Variants in SENP5 observed in about 807,000 individuals in gnomAD.
SENP5 encodes sentrin-specific protease 5.
Under a neutral mutation model 74.2 loss-of-function variants are expected in SENP5, and 21 were observed. That is an observed-to-expected ratio of 0.28 (90% CI 0.20 to 0.41). SENP5 has a LOEUF of 0.41. Ranked by LOEUF, SENP5 falls within the 10% of genes least tolerant of loss-of-function variation. SENP5 has a pLI of 1.00. For synonymous variants in SENP5, 311 were observed against 312.7 expected (o/e 0.99, Z 0.06); for missense variants, 717 against 889.1 (o/e 0.81, Z 2.46).
intron 2 of SENP5, among the ~76,000 whole-genome samples, chr3:196,891,959 T>G (rs1714222432): frequency 6.6e-6 from 1 of 150,384 alleles, no homozygotes; most frequent in African/African-American, 2.5e-5. Context: ...CCCGGCTAAT[T>G]TTTTGTATTT....
intron 5 of SENP5, 79 bp from the exon 6 acceptor site, chr3:196,903,454 T>C: frequency 3.4e-6 from 3 of 887,956 alleles, no homozygotes; most frequent in Middle Eastern, 2.4e-4. Context: ...ATTCAAACAT[T>C]TTAAAATTTC....
intron 1 of SENP5, among the ~76,000 whole-genome samples, chr3:196,871,985 A>G (rs905218981): frequency 1.3e-5 from 2 of 152,238 alleles, no homozygotes; most frequent in African/African-American, 4.8e-5. Context: ...GATTGATTTA[A>G]GCAGTCTGCC....
chr3:196,895,083 C>T (rs1224480643), intron 2 of SENP5, among the ~76,000 whole-genome samples: 1 of 152,108 alleles, frequency 6.6e-6, no homozygotes, highest in African/African-American at 2.4e-5. Context: ...ACGTGCACAG[C>T]ACGGGGAACC....
intron 6 of SENP5, chr3:196,914,373 G>C (rs980000148): frequency 1.3e-5 from 2 of 151,466 alleles, no homozygotes; most frequent in Non-Finnish European, 2.9e-5. Flanking sequence ...CAGAGATAGT[G>C]AGATTGTGGT....
chr3:196,919,265 G>A (rs1321960619), intron 6 of SENP5, among the ~76,000 whole-genome samples: 3 of 152,218 alleles, frequency 2.0e-5, no homozygotes, highest in Non-Finnish European at 2.9e-5. Context: ...TGGATTACTT[G>A]AGGTCAGGAG....
At chr3:196,927,766 G>C in intron 7 of SENP5, 30 bp from the exon 8 acceptor site, 1 of 1,317,786 alleles carries the variant, frequency 7.6e-7, no homozygotes, top group Non-Finnish European at 1.1e-6. Context: ...ATGGAACACA[G>C]CATCTGTGTT....
rs551673135 is a variant in SENP5, at chr3:196,874,421, G to T, written c.-32+6348G>T. ...CTCCTGCAAATGTCAAGAGAATTCA[G>T]TGAACACTTTTAATCCTTATCTTGC... On this transcript the variant is annotated intron_variant, in intron 1 of 9. Transcript: ENST00000323460. 2.0e-5 allele frequency among the ~76,000 whole-genome samples: 3 copies of T among 151,904 alleles called. No homozygotes were observed. In the East Asian group the frequency reaches 5.9e-4, roughly 30 times the overall value.
At chr3:196,892,047 C>T (rs996314546) in intron 2 of SENP5, among the ~76,000 whole-genome samples, 1 of 152,198 alleles carries the variant, frequency 6.6e-6, no homozygotes, top group African/African-American at 2.4e-5. Flanking sequence ...GCCTCAGCCT[C>T]CCAAAGTGCT....
intron 2 of SENP5, among the ~76,000 whole-genome samples, chr3:196,896,557 C>T (rs915093018): frequency 6.6e-6 from 1 of 152,118 alleles, no homozygotes; most frequent in African/African-American, 2.4e-5. Flanking sequence ...CAGGTTCAAG[C>T]GATTTTCCTG....
rs188136836 is a variant in SENP5, at chr3:196,887,062, G to A, written c.1513+368G>A. On this transcript the variant is annotated intron_variant, in intron 2 of 9. Transcript: ENST00000323460. ...AGTTGAACCAGTTTACATTTGTTAA[G>A]CTTTGGCAGTCTTACAGATCACAGA... Among the ~76,000 whole-genome samples, 22 of 152,256 alleles carry A rather than the reference G, an allele frequency of 1.4e-4. No homozygotes were observed. In the East Asian group the frequency reaches 4.1e-3, roughly 28 times the overall value.
chr3:196,931,575 G>A lies in SENP5; in HGVS notation c.*652G>A. The A allele has an allele frequency of 3.9e-6, 1 of 256,652 alleles. No individual in the cohort carries two copies. The allele number at this position is 256,652 out of a possible 1,614,324, so 15.9% of individuals were successfully genotyped here. A position where few individuals can be genotyped will look rare whatever the true frequency, so the allele number is the denominator to read the frequency against. On this transcript the variant is annotated 3_prime_UTR_variant, in exon 10 of 10. Coordinates refer to ENST00000323460, the MANE Select transcript of SENP5 (RefSeq NM_152699.5). ...GGCTGCTTTGGGAGGAGTAAGGTGT[G>A]AGAAAAAGCAACCTTGGAGGCCAGT...
intron 6 of SENP5, among the ~76,000 whole-genome samples, chr3:196,922,332 A>G (rs1715650966): frequency 6.6e-6 from 1 of 152,236 alleles, no homozygotes; most frequent in African/African-American, 2.4e-5. Flanking sequence ...CCACAATTTG[A>G]ACTTGAGCAG....
intron 6 of SENP5, among the ~76,000 whole-genome samples, chr3:196,911,556 CAAAAA>C (rs148985317): frequency 2.1e-5 from 2 of 97,006 alleles, no homozygotes; most frequent in Non-Finnish European, 2.1e-5. Context: ...GACTTTGTCT[CAAAAA>C]AAAAAAAAAA....
rs1713946847 is a variant in SENP5, at chr3:196,885,955, C to T, written c.774C>T (p.Cys258=). 1 of 1,614,034 alleles carries T rather than the reference C, an allele frequency of 6.2e-7. No individual in the cohort carries two copies. The highest frequency in any genetic ancestry group is 1.7e-5 in the Admixed American group (1 of 59,992). Reference sequence around the variant, plus strand: ...ACTTCAGAACCAAAAGCAAGGTTTGCAAGCTAAGAAAAGCCCAGCGAAGCT... The same window carrying T: ...ACTTCAGAACCAAAAGCAAGGTTTGTAAGCTAAGAAAAGCCCAGCGAAGCT... The part of the protein sequence containing the change: ...SQHFRTKSKV[C]KLRKAQRSWV... The change falls in exon 2 of 10, where the codon TGC becomes TGT. Residue 258 remains cysteine (C), a synonymous_variant. Transcript: ENST00000323460.
intron 6 of SENP5, 111 bp downstream of exon 6, chr3:196,903,721 T>G (rs1214343248): frequency 3.3e-6 from 2 of 599,394 alleles, no homozygotes; most frequent in Non-Finnish European, 5.8e-6. Context: ...GAAACAGACT[T>G]TTTAATGTGA....
intron 2 of SENP5, 142 bp downstream of exon 2, chr3:196,886,836 G>T: frequency 1.7e-6 from 1 of 575,130 alleles, no homozygotes; most frequent in Non-Finnish European, 2.9e-6. Flanking sequence ...CTTTTATATT[G>T]CTGCATTATG....
chr3:196,896,151 T>C (rs943905124), intron 2 of SENP5, among the ~76,000 whole-genome samples: 10 of 152,218 alleles, frequency 6.6e-5, no homozygotes, highest in Admixed American at 5.9e-4. Flanking sequence ...TTTTAATTGA[T>C]TAGTTTAATG....
chr3:196,917,329 A>C (rs1715421973), intron 6 of SENP5, among the ~76,000 whole-genome samples: 1 of 152,132 alleles, frequency 6.6e-6, no homozygotes, highest in African/African-American at 2.4e-5. Flanking sequence ...AAGATCTAGA[A>C]GTCACAGGGC....
intron 1 of SENP5, 96 bp downstream of exon 1, chr3:196,868,169 C>T (rs947573292): frequency 3.9e-5 from 6 of 152,290 alleles, no homozygotes; most frequent in African/African-American, 1.4e-4. Context: ...CCTCAGCGCC[C>T]GGTCCGGAGG....
Sources: gnomAD v4.1 joint callset for allele counts (sites outside exome capture counted in the v4.1 genomes callset) on GRCh38, gnomAD v4.1.1 for gene constraint, MANE v1.5 for transcripts, NCBI Gene and HGNC (gene_info 2026-07-23, HGNC 2026-07-21) for gene names.